Variants in GPHN observed in about 807,000 individuals in gnomAD.
GPHN encodes gephyrin.
In GPHN, 17 loss-of-function variants were observed where a neutral mutation model predicts 95.5. The observed-to-expected ratio is 0.18, with a 90% confidence interval of 0.12 to 0.27. GPHN has a LOEUF of 0.27. Ranked by LOEUF, GPHN falls within the 10% of genes least tolerant of loss-of-function variation. GPHN has a pLI of 1.00. For missense variants in GPHN, 660 were observed against 978.1 expected (o/e 0.67, Z 4.34); for synonymous variants, 320 against 322.5 (o/e 0.99, Z 0.08).
chr14:67,110,180 C>T lies in GPHN; in HGVS notation c.1334C>T (p.Thr445Ile), dbSNP rs769253787. Reference protein sequence around the residue: ...TVMPGQVMRVTTGAPIPCGAD... With the variant: ...TVMPGQVMRVITGAPIPCGAD... ...ATGCCAGGACAAGTCATGCGGGTTA[C>T]AACAGGTGCTCCAATACCCTGCGGT... Residue 445 changes from threonine (T) to isoleucine (I), a missense_variant, in exon 14 of 23, where the codon ACA becomes ATA. Thr to Ile is a moderately conservative substitution (Grantham distance 89). Transcript: ENST00000478722. 2.5e-6 allele frequency: 4 copies of T among 1,612,410 alleles called. No individual in the cohort carries two copies. Among genetic ancestry groups the T allele is most frequent in the Non-Finnish European group, 3.4e-6 (4 of 1,178,562 alleles).
chr14:67,664,850 T>C, the GPHN span, among the ~76,000 whole-genome samples: 2 of 152,080 alleles, frequency 1.3e-5, no homozygotes, highest in South Asian at 4.2e-4. Context: ...ATGATTTGTC[T>C]ACTCTGATTT....
intron 13 of GPHN, among the ~76,000 whole-genome samples, chr14:67,106,885 G>A (rs1312366379): frequency 2.0e-5 from 3 of 151,614 alleles, no homozygotes; most frequent in Admixed American, 2.0e-4. Context: ...ATATTTCCTT[G>A]CTTTTTTGTG....
intron 1 of GPHN, among the ~76,000 whole-genome samples, chr14:66,660,471 T>C (rs966406007): frequency 2.6e-5 from 4 of 152,228 alleles, no homozygotes; most frequent in African/African-American, 9.6e-5. Flanking sequence ...AATCTTTCAT[T>C]GACCATTATA....
chr14:67,070,990 C>G (rs2076281374), intron 11 of GPHN, among the ~76,000 whole-genome samples: 1 of 151,966 alleles, frequency 6.6e-6, no homozygotes, highest in Non-Finnish European at 1.5e-5. Flanking sequence ...ACAACAGGTG[C>G]TGGAGAGGAT....
At chr14:67,573,330 TG>T in the GPHN span, 2 of 1,613,738 alleles carry the variant, frequency 1.2e-6, no homozygotes. The surrounding 1 kb of genome is among the most constrained non-coding windows in gnomAD (Gnocchi z 4.8). Flanking sequence ...GGTGAAGACG[TG>T]GAAGAGGCGC....
At chr14:67,292,016 G>A in the GPHN span, among the ~76,000 whole-genome samples, 1 of 152,020 alleles carries the variant, frequency 6.6e-6, no homozygotes, top group East Asian at 1.9e-4. Flanking sequence ...TGTTTTTATG[G>A]TAGCAAAAAA....
chr14:66,951,114 C>A (rs1393988480), intron 8 of GPHN, among the ~76,000 whole-genome samples: 1 of 151,878 alleles, frequency 6.6e-6, no homozygotes, highest in Admixed American at 6.6e-5. Context: ...TTAGTAGAAA[C>A]GGGATTTCAT....
chr14:66,777,495 C>A (rs1184968306), intron 3 of GPHN, among the ~76,000 whole-genome samples: 1 of 152,114 alleles, frequency 6.6e-6, no homozygotes, highest in African/African-American at 2.4e-5. Flanking sequence ...CATCCTGATA[C>A]CAAAGCCGGG....
the GPHN span, among the ~76,000 whole-genome samples, chr14:67,590,821 A>G: frequency 1.3e-5 from 2 of 152,256 alleles, no homozygotes; most frequent in Non-Finnish European, 2.9e-5. Context: ...ATCAAATGAT[A>G]GCTTTTTAAT....
the GPHN span, among the ~76,000 whole-genome samples, chr14:67,453,895 T>A: frequency 6.6e-6 from 1 of 152,218 alleles, no homozygotes; most frequent in Non-Finnish European, 1.5e-5. Flanking sequence ...TTTGGCAACC[T>A]CTTGGAGCCT....
chr14:67,399,793 T>C, the GPHN span, among the ~76,000 whole-genome samples: 2 of 152,150 alleles, frequency 1.3e-5, no homozygotes, highest in African/African-American at 4.8e-5. Context: ...GTAGAGCCAA[T>C]GGGCAGAATA....
the GPHN span, among the ~76,000 whole-genome samples, chr14:67,554,207 C>T: frequency 6.6e-6 from 1 of 152,196 alleles, no homozygotes. Context: ...TGTAACTTTC[C>T]TCTCACTGTC....
At chr14:67,647,226 T>C in the GPHN span, 5 of 476,004 alleles carry the variant, frequency 1.1e-5, no homozygotes, top group South Asian at 1.9e-4. Context: ...TCTAAATCAT[T>C]GCCTAGATCT....
At chr14:67,397,254 G>A in the GPHN span, among the ~76,000 whole-genome samples, 1 of 152,092 alleles carries the variant, frequency 6.6e-6, no homozygotes, top group Non-Finnish European at 1.5e-5. Flanking sequence ...TTTTTTAATG[G>A]TAGAGTTGAA....
intron 1 of GPHN, among the ~76,000 whole-genome samples, chr14:66,575,941 G>C (rs1447281138): frequency 1.3e-5 from 2 of 152,188 alleles, no homozygotes; most frequent in African/African-American, 4.8e-5. Flanking sequence ...CTGCAGGAGT[G>C]GGCCTGGGTT....
the GPHN span, chr14:67,587,048 C>T: frequency 7.1e-6 from 11 of 1,557,988 alleles, no homozygotes; most frequent in Non-Finnish European, 6.1e-6. Flanking sequence ...TAGTTCAATT[C>T]CTTCACATCT....
chr14:67,037,634 G>C (rs1404166960), intron 10 of GPHN, among the ~76,000 whole-genome samples: 1 of 151,738 alleles, frequency 6.6e-6, no homozygotes, highest in Non-Finnish European at 1.5e-5. Context: ...TAAAAATGGG[G>C]AAAGGACTTG....
intron 2 of GPHN, among the ~76,000 whole-genome samples, chr14:66,706,072 A>G (rs1292352810): frequency 6.6e-6 from 1 of 151,940 alleles, no homozygotes; most frequent in Non-Finnish European, 1.5e-5. Flanking sequence ...AATCGCTACA[A>G]AGAATAAAAT....
intron 2 of GPHN, among the ~76,000 whole-genome samples, chr14:66,711,762 C>T (rs987957257): frequency 6.6e-6 from 1 of 151,626 alleles, no homozygotes. Context: ...CCCCACAGGC[C>T]CCAGTGTGTG....
Sources: allele counts gnomAD v4.1 joint callset (sites outside exome capture counted in the v4.1 genomes callset), GRCh38; gene constraint gnomAD v4.1.1; non-coding constraint Gnocchi (gnomAD v3.1); transcripts MANE v1.5; gene names NCBI Gene and HGNC (gene_info 2026-07-23, HGNC 2026-07-21).